The following SDK1 variants were observed in gnomAD, a reference collection of about 807,000 sequenced individuals.
SDK1 encodes sidekick cell adhesion molecule 1, also known as protein sidekick-1.
Under a neutral mutation model 245.5 loss-of-function variants are expected in SDK1, and 157 were observed. The observed-to-expected ratio is 0.64, with a 90% CI of 0.56 to 0.73. The LOEUF is 0.73. SDK1 is among the 30% of genes least tolerant of loss of function. The probability of loss-of-function intolerance (pLI) is 0.00; values close to 1 mark genes in which losing one functional copy is unlikely to be tolerated. For synonymous variants in SDK1, 1,647 were observed against 1,278.5 expected (o/e 1.29, Z -6.15); for missense variants, 3,583 against 3,002.3 (o/e 1.19, Z -4.52).
chr7:3,437,861 C>A (rs1179464155), intron 1 of SDK1, among the ~76,000 whole-genome samples: 1 of 152,170 alleles, frequency 6.6e-6, no homozygotes, highest in Non-Finnish European at 1.5e-5. Flanking sequence ...TTTTGTAGTA[C>A]TGAAACCAAG....
At chr7:3,396,123 G>A (rs1190989593) in intron 1 of SDK1, among the ~76,000 whole-genome samples, 2 of 151,646 alleles carry the variant, frequency 1.3e-5, no homozygotes, top group African/African-American at 4.8e-5. Flanking sequence ...TGTGTTAGCT[G>A]CATCTCATAC....
intron 1 of SDK1, among the ~76,000 whole-genome samples, chr7:3,420,021 T>C (rs1779494748): frequency 2.0e-5 from 3 of 152,148 alleles, no homozygotes; most frequent in African/African-American, 7.2e-5. Flanking sequence ...CACCCAAGCT[T>C]TGGGTTTTTG....
intron 5 of SDK1, among the ~76,000 whole-genome samples, chr7:3,948,609 T>C (rs1319330783): frequency 1.3e-5 from 2 of 152,188 alleles, no homozygotes; most frequent in Non-Finnish European, 2.9e-5. Flanking sequence ...AAGGAGGGCT[T>C]CCTCCTCCTG....
intron 22 of SDK1, among the ~76,000 whole-genome samples, chr7:4,107,808 T>C (rs1425683843): frequency 6.6e-6 from 1 of 152,208 alleles, no homozygotes; most frequent in Non-Finnish European, 1.5e-5. Context: ...CTCGTCTTGC[T>C]TGCCCTTCCC....
chr7:3,959,927 C>G (rs185144014), intron 8 of SDK1, among the ~76,000 whole-genome samples: 51 of 152,212 alleles, frequency 3.4e-4, no homozygotes, highest in African/African-American at 1.2e-3. Flanking sequence ...GGTGATTACA[C>G]AAAACCTTCT....
chr7:4,168,049 A>T (rs1340246202), intron 32 of SDK1, among the ~76,000 whole-genome samples: 1 of 152,218 alleles, frequency 6.6e-6, no homozygotes, highest in East Asian at 1.9e-4. Flanking sequence ...GGAATGGAAA[A>T]TATGGTTGAA....
intron 1 of SDK1, among the ~76,000 whole-genome samples, chr7:3,558,529 A>G (rs1475562677): frequency 1.3e-5 from 2 of 152,216 alleles, no homozygotes; most frequent in South Asian, 4.1e-4. Flanking sequence ...TCACTGGGCA[A>G]GAGGCAGTGA....
chr7:3,335,473 G>A (rs1780176969), intron 1 of SDK1, among the ~76,000 whole-genome samples: 1 of 149,240 alleles, frequency 6.7e-6, no homozygotes, highest in Admixed American at 6.7e-5. Context: ...AGGTAGGAAT[G>A]TTATTTTGCT....
At chr7:3,973,524 C>T (rs1001537281) in intron 12 of SDK1, among the ~76,000 whole-genome samples, 4 of 152,080 alleles carry the variant, frequency 2.6e-5, no homozygotes, top group African/African-American at 9.7e-5. Context: ...ATTTTAAGGA[C>T]CATCTGCCAG....
In SDK1 at chr7:3,458,381, G is replaced by C. The variant is rs191301470; in HGVS notation, c.298+156497G>C. The stretch of plus-strand genomic sequence containing the variant: ...GTGCCTAGAGCACTGTTTCCATAGA[G>C]TAGGTCCATATAATACATGTATTGC... On this transcript the variant is annotated intron_variant, in intron 1 of 44. Coordinates refer to ENST00000404826, the MANE Select transcript of SDK1 (RefSeq NM_152744.4). 3.0e-3 allele frequency among the ~76,000 whole-genome samples: 460 copies of C among 152,200 alleles called. 2 individuals carry two copies. Among genetic ancestry groups the C allele is most frequent in the African/African-American group, 0.01 (431 of 41,522 alleles).
At chr7:4,214,540 G>C (rs1050938451) in intron 38 of SDK1, among the ~76,000 whole-genome samples, 5 of 152,214 alleles carry the variant, frequency 3.3e-5, no homozygotes, top group African/African-American at 1.2e-4. Flanking sequence ...GCACTGTCTT[G>C]CTTTGCAGCT....
At chr7:3,334,871 T>G (rs1231793874) in intron 1 of SDK1, among the ~76,000 whole-genome samples, 1 of 152,160 alleles carries the variant, frequency 6.6e-6, no homozygotes, top group Admixed American at 6.5e-5. Context: ...AAACCACTCT[T>G]GATTTTTCTT....
At chr7:3,369,195 C>T (rs1461017418) in intron 1 of SDK1, among the ~76,000 whole-genome samples, 4 of 152,054 alleles carry the variant, frequency 2.6e-5, no homozygotes, top group African/African-American at 9.7e-5. Flanking sequence ...CAGGTGTGTG[C>T]TACCATGCTT....
intron 1 of SDK1, among the ~76,000 whole-genome samples, chr7:3,504,149 C>T (rs1457353003): frequency 7.9e-6 from 1 of 127,164 alleles, no homozygotes; most frequent in Non-Finnish European, 1.7e-5. Flanking sequence ...GACTCCTTCT[C>T]AAAAAAAAAC....
chr7:3,620,510 C>CCT (rs1562608091), intron 2 of SDK1, among the ~76,000 whole-genome samples: 1 of 152,062 alleles, frequency 6.6e-6, no homozygotes. Context: ...ACCATGTTGA[C>CCT]CAGGCTTGTC....
chr7:3,498,605 C>T (rs112025609), intron 1 of SDK1, among the ~76,000 whole-genome samples: 144 of 152,278 alleles, frequency 9.5e-4, no homozygotes, highest in African/African-American at 3.3e-3. Context: ...CTTGGTTTTC[C>T]ATCTGTCGGC....
chr7:3,666,374 T>G (rs1407458055), intron 4 of SDK1, among the ~76,000 whole-genome samples: 2 of 152,222 alleles, frequency 1.3e-5, no homozygotes, highest in Non-Finnish European at 2.9e-5. Flanking sequence ...TCCCCCTGCC[T>G]GGAATGCCAT....
intron 35 of SDK1, among the ~76,000 whole-genome samples, chr7:4,205,223 A>T (rs2128226943): frequency 6.6e-6 from 1 of 152,246 alleles, no homozygotes; most frequent in Middle Eastern, 3.4e-3. Context: ...TCCCTCTTAG[A>T]GGGGCAACTC....
intron 2 of SDK1, among the ~76,000 whole-genome samples, chr7:3,631,546 T>C (rs775560069): frequency 3.3e-5 from 5 of 152,234 alleles, no homozygotes; most frequent in Non-Finnish European, 5.9e-5. Context: ...TGCTATCTTA[T>C]TTAATTTAGA....
Sources: gnomAD v4.1 joint callset for allele counts (sites outside exome capture counted in the v4.1 genomes callset) on GRCh38, gnomAD v4.1.1 for gene constraint, MANE v1.5 for transcripts, NCBI Gene and HGNC (gene_info 2026-07-23, HGNC 2026-07-21) for gene names.